Variants in RBMS3 observed in about 807,000 individuals in gnomAD.
RBMS3 encodes RNA-binding motif, single-stranded-interacting protein 3.
Under a neutral mutation model 66.8 loss-of-function variants are expected in RBMS3, and 27 were observed. That is an observed-to-expected ratio of 0.40 (90% CI 0.30 to 0.56). The LOEUF (loss-of-function observed/expected upper bound fraction) is 0.56. Among genes scored for constraint, RBMS3 ranks in the 20% least tolerant of loss-of-function variants. RBMS3 has a pLI of 0.40. For missense variants in RBMS3, 513 were observed against 549.5 expected (o/e 0.93, Z 0.66); for synonymous variants, 188 against 183.0 (o/e 1.03, Z -0.22).
chr3:29,334,090 T>C (rs1229806071), intron 1 of RBMS3, among the ~76,000 whole-genome samples: 1 of 152,286 alleles, frequency 6.6e-6, no homozygotes, highest in Admixed American at 6.5e-5. Context: ...AGTGAAAATT[T>C]AAAAATTATG....
chr3:29,814,590 G>A (rs974230431), intron 6 of RBMS3, among the ~76,000 whole-genome samples: 9 of 152,154 alleles, frequency 5.9e-5, no homozygotes, highest in East Asian at 1.9e-4. Flanking sequence ...GGTAGAATTC[G>A]GCTGTGAATC....
At chr3:29,998,093 A>G (rs1425355295) in intron 14 of RBMS3, among the ~76,000 whole-genome samples, 1 of 152,220 alleles carries the variant, frequency 6.6e-6, no homozygotes, top group Non-Finnish European at 1.5e-5. Context: ...AAATCAATGT[A>G]CAAAAATCAC....
intron 6 of RBMS3, among the ~76,000 whole-genome samples, chr3:29,826,261 A>C (rs9854636): frequency 0.51 from 78,141 of 151,966 alleles, 20,564 homozygotes; most frequent in Non-Finnish European, 0.55. Context: ...CTCCTATAGC[A>C]ATTGTTCACT....
chr3:29,795,494 C>A (rs767979838), intron 6 of RBMS3, among the ~76,000 whole-genome samples: 3 of 152,102 alleles, frequency 2.0e-5, no homozygotes, highest in Non-Finnish European at 4.4e-5. Flanking sequence ...TTCCATTTCC[C>A]CACACCAGAG....
intron 12 of RBMS3, among the ~76,000 whole-genome samples, chr3:29,955,108 A>G (rs1476996332): frequency 1.3e-5 from 2 of 152,042 alleles, no homozygotes; most frequent in Non-Finnish European, 2.9e-5. Flanking sequence ...GGAGGCAGGT[A>G]TAACAACTAT....
chr3:29,354,992 C>A (rs2037134514), intron 1 of RBMS3, among the ~76,000 whole-genome samples: 1 of 152,096 alleles, frequency 6.6e-6, no homozygotes, highest in Non-Finnish European at 1.5e-5. Flanking sequence ...GGCATTTGGG[C>A]AATGTGTTCA....
chr3:29,824,366 A>G (rs532502637), intron 6 of RBMS3, among the ~76,000 whole-genome samples: 54 of 152,202 alleles, frequency 3.5e-4, no homozygotes, highest in Admixed American at 1.3e-4. Flanking sequence ...TCCATCTTGG[A>G]CTTCCTAGCC....
At chr3:29,706,207 C>T (rs937663440) in intron 4 of RBMS3, among the ~76,000 whole-genome samples, 31 of 152,296 alleles carry the variant, frequency 2.0e-4, no homozygotes, top group Non-Finnish European at 2.8e-4. Flanking sequence ...TCATGAAAAT[C>T]CCCTTCACAA....
chr3:29,673,243 A>G (rs1042733927), intron 4 of RBMS3, among the ~76,000 whole-genome samples: 2 of 152,224 alleles, frequency 1.3e-5, no homozygotes, highest in South Asian at 4.1e-4. Context: ...GATACATTTG[A>G]AGCAGTGTGT....
rs551891641 is a variant in RBMS3 at position 29,308,724 on chromosome 3, T to C, written c.75+26968T>C. ...GAAATATATGTGCCTGAAAGAAATATAGCATAGTGATTAAAAAAAAACAAA... is the reference window on the plus strand; with the variant it reads ...GAAATATATGTGCCTGAAAGAAATACAGCATAGTGATTAAAAAAAAACAAA... On this transcript the variant is annotated intron_variant, in intron 1 of 14. Coordinates refer to ENST00000383767, the MANE Select transcript of RBMS3 (RefSeq NM_001003793.3). Among the ~76,000 whole-genome samples the C allele has an allele frequency of 1.5e-4, 16 of 107,662 alleles. No homozygotes were observed. The South Asian group carries it at 3.2e-3, about 22-fold the overall frequency. The allele number at this position is 107,662 out of a possible 152,430, so 70.6% of individuals were successfully genotyped here. A position where few individuals can be genotyped will look rare whatever the true frequency, so the allele number is the denominator to read the frequency against.
In RBMS3 at chr3:29,779,706, A is replaced by AATATATATATATATAT. The variant is rs566888716; in HGVS notation, c.637+16721_637+16736dup. 5.5e-3 allele frequency among the ~76,000 whole-genome samples: 591 copies of AATATATATATATATAT among 107,002 alleles called. 20 individuals carry two copies. The highest frequency in any genetic ancestry group is 0.022 in the Middle Eastern group (4 of 178). 70.2% of individuals were successfully genotyped at this position (107,002 alleles called of 152,430 possible). A position where few individuals can be genotyped will look rare whatever the true frequency, so the allele number is the denominator to read the frequency against. On this transcript the variant is annotated intron_variant, in intron 6 of 14. Transcript: ENST00000383767. ...TCTCAGCAATCCTAGATTAAGATGA[A>AATATATATATATATAT]ATATATATATATATATATAAACAAC...
At chr3:29,619,886 C>A (rs1056464373) in intron 4 of RBMS3, among the ~76,000 whole-genome samples, 2 of 151,602 alleles carry the variant, frequency 1.3e-5, no homozygotes, top group Non-Finnish European at 2.9e-5. Context: ...TTTTTTTACA[C>A]GTGAGGCTGT....
chr3:29,597,390 A>T (rs1453536114), intron 4 of RBMS3, among the ~76,000 whole-genome samples: 1 of 152,162 alleles, frequency 6.6e-6, no homozygotes, highest in Admixed American at 6.6e-5. Context: ...TTACACTATG[A>T]TGTGTATCAC....
chr3:29,391,246 A>C (rs1052537075), intron 1 of RBMS3: 1 of 155,388 alleles, frequency 6.4e-6, no homozygotes, highest in Non-Finnish European at 1.4e-5. Flanking sequence ...GGCTCAAAAA[A>C]TTTGAAAATA....
chr3:29,360,500 G>A (rs539536716), intron 1 of RBMS3, among the ~76,000 whole-genome samples: 20 of 152,108 alleles, frequency 1.3e-4, no homozygotes, highest in African/African-American at 4.8e-4. Context: ...CTGTGGTGTC[G>A]TGCTGAGAAG....
At chr3:29,668,576 CAGA>C (rs2050862924) in intron 4 of RBMS3, among the ~76,000 whole-genome samples, 1 of 152,106 alleles carries the variant, frequency 6.6e-6, no homozygotes, top group Non-Finnish European at 1.5e-5. Context: ...CTCCCATTAT[CAGA>C]AGTAACCAGA....
chr3:29,812,615 T>C (rs768534090), intron 6 of RBMS3, among the ~76,000 whole-genome samples: 1 of 152,174 alleles, frequency 6.6e-6, no homozygotes, highest in Non-Finnish European at 1.5e-5. Context: ...AAACTTGGAA[T>C]GGAAGGCATA....
At chr3:29,488,788 T>G (rs2043419190) in intron 3 of RBMS3, among the ~76,000 whole-genome samples, 1 of 152,206 alleles carries the variant, frequency 6.6e-6, no homozygotes, top group Admixed American at 6.5e-5. Flanking sequence ...GTGAATGATA[T>G]CATCAGTGAT....
intron 3 of RBMS3, among the ~76,000 whole-genome samples, chr3:29,553,543 G>A (rs956509823): frequency 6.6e-6 from 1 of 152,070 alleles, no homozygotes; most frequent in Non-Finnish European, 1.5e-5. Context: ...CTTGGGCCAG[G>A]TGGCTCTTTT....
Sources: allele counts gnomAD v4.1 joint callset (sites outside exome capture counted in the v4.1 genomes callset), GRCh38; gene constraint gnomAD v4.1.1; transcripts MANE v1.5; gene names NCBI Gene and HGNC (gene_info 2026-07-23, HGNC 2026-07-21).